The following RPGRIP1L variants were observed in gnomAD, a reference collection of about 807,000 sequenced individuals.
RPGRIP1L encodes protein fantom.
In RPGRIP1L, 131 loss-of-function variants were observed where a neutral mutation model predicts 160.4. That is an observed-to-expected ratio of 0.82 (90% CI 0.71 to 0.94). The LOEUF (loss-of-function observed/expected upper bound fraction) is 0.94, where lower values mean the gene tolerates loss of function less well. Ranked by LOEUF, RPGRIP1L falls within the 40% of genes least tolerant of loss-of-function variation. RPGRIP1L has a pLI of 0.00. For synonymous variants in RPGRIP1L, 510 were observed against 515.8 expected (o/e 0.99, Z 0.15); for missense variants, 1,522 against 1,535.8 (o/e 0.99, Z 0.15).
At chr16:53,637,018 CTA>C (rs1359202756) in intron 21 of RPGRIP1L, among the ~76,000 whole-genome samples, 1 of 151,490 alleles carries the variant, frequency 6.6e-6, no homozygotes. Context: ...CAGGGTCTTG[CTA>C]TGTTACCCAG....
intron 22 of RPGRIP1L, among the ~76,000 whole-genome samples, chr16:53,632,860 G>C (rs1965607006): frequency 6.6e-6 from 1 of 152,066 alleles, no homozygotes; most frequent in African/African-American, 2.4e-5. Flanking sequence ...CTTGATGAAG[G>C]GAAGACCCCT....
Position 53,627,872 on chromosome 16 carries a change from A to G in RPGRIP1L, c.3295-5516T>C, listed in dbSNP as rs563637875. Among the ~76,000 whole-genome samples, 334 of 152,308 alleles carry G rather than the reference A, an allele frequency of 2.2e-3. 2 individuals carry two copies. Among genetic ancestry groups the G allele is most frequent in the African/African-American group, 7.7e-3 (320 of 41,570 alleles). ...AGTACATTTATTTACCTGCTGATGA[A>G]CAATTATGTTGTTTACCATTTTTTG... On this transcript the variant is annotated intron_variant, in intron 22 of 26. Coordinates refer to ENST00000647211, the MANE Select transcript of RPGRIP1L (RefSeq NM_015272.5).
intron 9 of RPGRIP1L, among the ~76,000 whole-genome samples, chr16:53,669,585 C>T (rs1021454225): frequency 6.6e-6 from 1 of 151,802 alleles, no homozygotes; most frequent in Non-Finnish European, 1.5e-5. Context: ...ATACATTATT[C>T]CCAGGTAAGT....
intron 23 of RPGRIP1L, among the ~76,000 whole-genome samples, chr16:53,621,554 C>T (rs1178168182): frequency 6.6e-6 from 1 of 151,512 alleles, no homozygotes. Flanking sequence ...TCATTTAATG[C>T]TACATGAATC....
At chr16:53,611,124 T>G in intron 24 of RPGRIP1L, 73 bp from the exon 25 acceptor site, 1 of 1,051,168 alleles carries the variant, frequency 9.5e-7, no homozygotes, top group Non-Finnish European at 1.5e-6. Context: ...CATTCTGTAT[T>G]TTTAAAAATA....
At chr16:53,637,151 T>C (rs1446998011) in intron 21 of RPGRIP1L, among the ~76,000 whole-genome samples, 4 of 152,046 alleles carry the variant, frequency 2.6e-5, no homozygotes, top group Non-Finnish European at 5.9e-5. Flanking sequence ...TGTGCAACAC[T>C]ATGCCTGGCT....
intron 3 of RPGRIP1L, chr16:53,695,788 ATAGT>A (rs1032487006): frequency 7.4e-5 from 25 of 339,364 alleles, no homozygotes; most frequent in Non-Finnish European, 1.2e-4. Flanking sequence ...ACAAGTTAGA[ATAGT>A]TAGTTACTTT....
intron 22 of RPGRIP1L, among the ~76,000 whole-genome samples, chr16:53,632,956 TTG>T (rs1965612308): frequency 6.6e-6 from 1 of 152,274 alleles, no homozygotes; most frequent in Non-Finnish European, 1.5e-5. Flanking sequence ...TGCATTTTAA[TTG>T]TGTTTCCCCT....
chr16:53,673,024 A>C lies in RPGRIP1L; in HGVS notation c.883-8T>G. On this transcript the variant is annotated splice_region_variant and splice_polypyrimidine_tract_variant and intron_variant, in intron 7 of 26. Coordinates refer to ENST00000647211, the MANE Select transcript of RPGRIP1L (RefSeq NM_015272.5). Reference sequence around the variant, plus strand: ...TCTGAGAGTTCTTTGCTTCTAAAAGATAAAAAGAACATCTTTCAAACATTA... The same window carrying C: ...TCTGAGAGTTCTTTGCTTCTAAAAGCTAAAAAGAACATCTTTCAAACATTA... The C allele has an allele frequency of 6.2e-7, 1 of 1,610,804 alleles. No homozygotes were observed. Among genetic ancestry groups the C allele is most frequent in the East Asian group, 2.2e-5 (1 of 44,772 alleles).
intron 22 of RPGRIP1L, among the ~76,000 whole-genome samples, chr16:53,634,917 T>C (rs1163511251): frequency 6.6e-6 from 1 of 152,198 alleles, no homozygotes; most frequent in Non-Finnish European, 1.5e-5. Flanking sequence ...ATAGAATTTT[T>C]TAAAGCCCAT....
chr16:53,607,377 TC>T lies in RPGRIP1L; in HGVS notation c.3702-1764del, dbSNP rs139278246. The stretch of plus-strand genomic sequence containing the variant: ...AAACTTGGCATCGGAAAAGCTTGTT[TC>T]AATTGAAAATTTAGTTAGATTCCCA... On this transcript the variant is annotated intron_variant, in intron 25 of 26. Coordinates refer to ENST00000647211, the MANE Select transcript of RPGRIP1L (RefSeq NM_015272.5). 2.9e-3 allele frequency among the ~76,000 whole-genome samples: 440 copies of T among 152,340 alleles called. 2 individuals carry two copies. Among genetic ancestry groups the T allele is most frequent in the African/African-American group, 9.9e-3 (410 of 41,574 alleles).
intron 4 of RPGRIP1L, among the ~76,000 whole-genome samples, chr16:53,688,290 A>C (rs1261910629): frequency 6.6e-6 from 1 of 152,050 alleles, no homozygotes; most frequent in East Asian, 1.9e-4. Flanking sequence ...TCAAGTTTTA[A>C]CAATGTAAAT....
chr16:53,679,073 A>C (rs1339902319), intron 6 of RPGRIP1L, among the ~76,000 whole-genome samples: 1 of 152,232 alleles, frequency 6.6e-6, no homozygotes, highest in African/African-American at 2.4e-5. Flanking sequence ...AGGTGAAAAC[A>C]GTGCTCTCTG....
chr16:53,694,512 T>G (rs1407451861), intron 3 of RPGRIP1L: 3 of 152,026 alleles, frequency 2.0e-5, no homozygotes, highest in African/African-American at 7.3e-5. Flanking sequence ...CTATTTACTT[T>G]TTTGTTTTGT....
At chr16:53,618,736 G>A (rs1355116796) in intron 24 of RPGRIP1L, among the ~76,000 whole-genome samples, 2 of 151,926 alleles carry the variant, frequency 1.3e-5, no homozygotes, top group African/African-American at 2.4e-5. Context: ...TTGTAGAGAC[G>A]AGGTTTTGCC....
chr16:53,675,191 G>A lies in RPGRIP1L; in HGVS notation c.777-69C>T. ...CGCAAGTTAGAAGAAAATCTATGGT[G>A]GAATCACAATTTTTCAACTAATGTT... On this transcript the variant is annotated intron_variant, in intron 6 of 26. Transcript: ENST00000647211. 5.1e-6 allele frequency: 5 copies of A among 979,002 alleles called. No individual in the cohort carries two copies. The South Asian group carries it at 6.7e-5, about 13-fold the overall frequency. 60.6% of individuals were successfully genotyped at this position (979,002 alleles called of 1,614,324 possible).
intron 9 of RPGRIP1L, among the ~76,000 whole-genome samples, chr16:53,668,501 G>A (rs1968461754): frequency 6.6e-6 from 1 of 152,144 alleles, no homozygotes; most frequent in Admixed American, 6.5e-5. Flanking sequence ...CAAATTAACT[G>A]AATCAGAGTT....
At chr16:53,696,124 A>G in intron 3 of RPGRIP1L, 27 bp downstream of exon 3, 1 of 1,611,758 alleles carries the variant, frequency 6.2e-7, no homozygotes, top group Non-Finnish European at 8.5e-7. Flanking sequence ...GAGTCAAGAA[A>G]AAAAGCTAAA....
intron 19 of RPGRIP1L, 121 bp from the exon 20 acceptor site, chr16:53,638,532 A>G: frequency 1.8e-6 from 1 of 567,166 alleles, no homozygotes. Flanking sequence ...AGTTACTCAT[A>G]TGACACTGAA....
Sources: gnomAD v4.1 joint callset for allele counts (sites outside exome capture counted in the v4.1 genomes callset) on GRCh38, gnomAD v4.1.1 for gene constraint, MANE v1.5 for transcripts, NCBI Gene and HGNC (gene_info 2026-07-23, HGNC 2026-07-21) for gene names.